CDC37L1: variants seen among roughly 807,000 people sequenced by gnomAD.
The protein encoded by CDC37L1 is hsp90 co-chaperone Cdc37-like 1.
In CDC37L1, 32 loss-of-function variants were observed where a neutral mutation model predicts 45.9. That is an observed-to-expected ratio of 0.70 (90% CI 0.53 to 0.94). The LOEUF is 0.94. CDC37L1 is among the 40% of genes least tolerant of loss of function. The pLI, the probability that CDC37L1 is intolerant of heterozygous loss-of-function variation, is 0.00. For missense variants in CDC37L1, 434 were observed against 405.7 expected, an observed-to-expected ratio of 1.07 and a Z score of -0.60; for synonymous variants, 150 against 133.0, an observed-to-expected ratio of 1.13 and a Z score of -0.88.
intron 3 of CDC37L1, 151 bp downstream of exon 3, chr9:4,688,757 AT>A (rs377728643): frequency 0.15 from 56,118 of 368,082 alleles, 556 homozygotes; most frequent in African/African-American, 0.18. Flanking sequence ...TTGTTTTAGA[AT>A]TTTTTTTTTT....
At chr9:4,687,874 A>C (rs1472359611) in intron 2 of CDC37L1, among the ~76,000 whole-genome samples, 1 of 152,204 alleles carries the variant, frequency 6.6e-6, no homozygotes, top group Non-Finnish European at 1.5e-5. Flanking sequence ...CAAGTAAACT[A>C]TGCATATAAA....
chr9:4,706,192 G>T lies in CDC37L1; in HGVS notation c.*80G>T. 1 of 638,806 alleles carries T rather than the reference G, an allele frequency of 1.6e-6. No individual in the cohort carries two copies. The highest frequency in any genetic ancestry group is 2.0e-5 in the South Asian group (1 of 48,864). 39.6% of individuals were successfully genotyped at this position (638,806 alleles called of 1,614,324 possible). On this transcript the variant is annotated 3_prime_UTR_variant, in exon 7 of 7. Transcript: ENST00000381854. ...TGGCTATTTTCTTGACACTTTTATG[G>T]GTGCTGCACTTTATTTTTGTTCGGT...
chr9:4,679,802 G>T lies in CDC37L1; in HGVS notation c.35G>T (p.Ser12Ile), dbSNP rs747444348. 3.1e-6 allele frequency: 5 copies of T among 1,613,686 alleles called. No individual in the cohort carries two copies. The Admixed American group carries it at 6.7e-5, about 22-fold the overall frequency. Residue 12 changes from serine (S) to isoleucine (I), a missense_variant, in exon 1 of 7, where the codon AGC becomes ATC. By Grantham distance (142) the Ser-to-Ile change is moderately radical. Transcript: ENST00000381854. ...EQPWPPPGPW[S>I]LPRAEGEAEE... ...CCGTGGCCGCCTCCGGGACCCTGGA[G>T]CCTCCCTCGGGCCGAGGGTGAGGCT...
intron 2 of CDC37L1, among the ~76,000 whole-genome samples, chr9:4,687,077 G>A (rs1841253911): frequency 6.6e-6 from 1 of 152,046 alleles, no homozygotes. Flanking sequence ...GACAGTGCTG[G>A]TCTAGATGTC....
At chr9:4,687,678 C>CAAA (rs59932144) in intron 2 of CDC37L1, among the ~76,000 whole-genome samples, 1,453 of 58,176 alleles carry the variant, frequency 0.025, 88 homozygotes, top group African/African-American at 0.062. Context: ...GACCCCATCT[C>CAAA]AAAAAAAAAA....
At chr9:4,696,690 C>A (rs1841350879) in intron 3 of CDC37L1, among the ~76,000 whole-genome samples, 1 of 152,116 alleles carries the variant, frequency 6.6e-6, no homozygotes, top group African/African-American at 2.4e-5. Context: ...AAATGACAAC[C>A]ATTTTCAAAT....
Position 4,701,927 on chromosome 9 carries a change from A to T in CDC37L1, c.811A>T (p.Arg271Ter). 1 of 1,601,564 alleles carries T rather than the reference A, an allele frequency of 6.2e-7. No homozygotes were observed. Among genetic ancestry groups the T allele is most frequent in the Admixed American group, 1.7e-5 (1 of 57,520 alleles). ...ACTTGAAGCTTTCAAGTCAAGAGTA[A>T]GACTTTATTCTCAATCACAAAGTTT... The part of the protein sequence containing the change: ...NELEAFKSRV[R>*]LYSQSQSFQP... Residue 271 changes from arginine (R) to a stop codon, truncating the protein, a stop_gained, in exon 6 of 7, where the codon AGA (arginine) becomes TGA (stop). Coordinates refer to ENST00000381854, the MANE Select transcript of CDC37L1 (RefSeq NM_017913.4). LOFTEE classifies it high-confidence loss of function.
At chr9:4,694,435 T>C (rs1024514036) in intron 3 of CDC37L1, among the ~76,000 whole-genome samples, 5 of 152,236 alleles carry the variant, frequency 3.3e-5, no homozygotes, top group African/African-American at 1.2e-4. Flanking sequence ...CTGTATCGAC[T>C]ACCTGTAACT....
In CDC37L1 at chr9:4,699,699, C is replaced by G. The variant is rs1041593236; in HGVS notation, c.747+1820C>G. Among the ~76,000 whole-genome samples the G allele has an allele frequency of 4.6e-5, 7 of 151,830 alleles. No homozygotes were observed. The East Asian group carries it at 1.2e-3, about 25-fold the overall frequency. On this transcript the variant is annotated intron_variant, in intron 5 of 6. Transcript: ENST00000381854. ...AGACAAAAGTTACAATAATGATAAC[C>G]TCAGGGAGGGAGGGGGAATGCTCTT...
intron 1 of CDC37L1, among the ~76,000 whole-genome samples, chr9:4,684,384 C>G (rs1277408123): frequency 6.6e-6 from 1 of 152,102 alleles, no homozygotes; most frequent in Non-Finnish European, 1.5e-5. Context: ...ATAAGAACTT[C>G]TCAAATCACC....
rs1563766411 is a variant in CDC37L1, at chr9:4,682,159, C to CTTTTTTTTTTTTTTTTTTTT, written c.132+2261_132+2262insTTTTTTTTTTTTTTTTTTTT. On this transcript the variant is annotated intron_variant, in intron 1 of 6. Coordinates refer to ENST00000381854, the MANE Select transcript of CDC37L1 (RefSeq NM_017913.4). ...TACTTTTCTTGATATATTATCCTTT[C>CTTTTTTTTTTTTTTTTTTTT]TCTTTTTTTTTTTTTTTTTTTGAGG... is the stretch of plus-strand genomic sequence containing the variant. Among the ~76,000 whole-genome samples, 3 of 48,466 alleles carry CTTTTTTTTTTTTTTTTTTTT rather than the reference C, an allele frequency of 6.2e-5. 1 individual carries two copies. The highest frequency in any genetic ancestry group is 3.3e-4 in the African/African-American group (2 of 6,014). 31.8% of individuals were successfully genotyped at this position (48,466 alleles called of 152,430 possible). A position where few individuals can be genotyped will look rare whatever the true frequency, so the allele number is the denominator to read the frequency against.
At chr9:4,680,172 C>T (rs1841176871) in intron 1 of CDC37L1, among the ~76,000 whole-genome samples, 1 of 152,188 alleles carries the variant, frequency 6.6e-6, no homozygotes, top group South Asian at 2.1e-4. Context: ...GAATACCTTC[C>T]TCCATCTCCC....
At position 4,707,570 on chromosome 9, in the gene CDC37L1, T is replaced by C. The variant is rs1841455593; in HGVS notation, c.*1458T>C. On this transcript the variant is annotated 3_prime_UTR_variant, in exon 7 of 7. Transcript: ENST00000381854. ...AATGGACTGGAATTATTGAATCTTC[T>C]TCTGTAACATCACAATCTTCCTGGT... The C allele has an allele frequency of 6.6e-6, 1 of 152,248 alleles. No individual in the cohort carries two copies. Among genetic ancestry groups the C allele is most frequent in the Non-Finnish European group, 1.5e-5 (1 of 68,040 alleles). 9.4% of individuals were successfully genotyped at this position (152,248 alleles called of 1,614,324 possible).
intron 1 of CDC37L1, among the ~76,000 whole-genome samples, chr9:4,683,067 T>A (rs1020476359): frequency 6.2e-5 from 9 of 144,102 alleles, no homozygotes; most frequent in Non-Finnish European, 1.4e-4. Context: ...TATTTTAAAA[T>A]ATACTTTATA....
intron 5 of CDC37L1, among the ~76,000 whole-genome samples, chr9:4,699,013 T>C (rs898268418): frequency 2.0e-5 from 3 of 152,202 alleles, no homozygotes; most frequent in African/African-American, 7.2e-5. Flanking sequence ...GTTAATGTTT[T>C]AAAAATTCCT....
At position 4,706,046 on chromosome 9, in the gene CDC37L1, T is replaced by C. The variant is rs1841438553; in HGVS notation, c.948T>C (p.Ala316=). 2 of 1,600,332 alleles carry C rather than the reference T, an allele frequency of 1.2e-6. No individual in the cohort carries two copies. Among genetic ancestry groups the C allele is most frequent in the African/African-American group, 1.3e-5 (1 of 74,620 alleles). ...PDYLQYSIST[A]LCSLNSVVHK... is the part of the protein sequence containing the mutation. ...ATCTTCAGTATTCTATCAGTACAGC[T>C]CTCTGCAGCTTAAACTCGGTGGTAC... Residue 316 remains alanine (A), a synonymous_variant, in exon 7 of 7, where the codon GCT becomes GCC. Transcript: ENST00000381854.
At chr9:4,682,571 C>T (rs1841205326) in intron 1 of CDC37L1, among the ~76,000 whole-genome samples, 4 of 151,820 alleles carry the variant, frequency 2.6e-5, no homozygotes, top group Non-Finnish European at 5.9e-5. Flanking sequence ...GTGATCCGCC[C>T]GCCTCGGCCT....
intron 6 of CDC37L1, among the ~76,000 whole-genome samples, chr9:4,702,608 G>A (rs12337346): frequency 0.014 from 2,068 of 152,162 alleles, 29 homozygotes; most frequent in African/African-American, 0.037. Flanking sequence ...TCGGCTGGGC[G>A]CAGTGGCTCG....
chr9:4,680,641 A>T (rs959789039), intron 1 of CDC37L1, among the ~76,000 whole-genome samples: 1 of 152,088 alleles, frequency 6.6e-6, no homozygotes, highest in African/African-American at 2.4e-5. Flanking sequence ...TTTTTCAGGG[A>T]CCTATCTTAG....
Sources: allele counts gnomAD v4.1 joint callset (sites outside exome capture counted in the v4.1 genomes callset), GRCh38; gene constraint gnomAD v4.1.1; transcripts MANE v1.5; gene names NCBI Gene and HGNC (gene_info 2026-07-23, HGNC 2026-07-21).